Variants in LOX observed in about 807,000 individuals in gnomAD.
The protein encoded by LOX is protein-lysine 6-oxidase.
A neutral mutation model predicts 50.5 loss-of-function variants in LOX; 12 were observed. The ratio of observed to expected loss-of-function variants is 0.24; its 90% confidence interval spans 0.15 to 0.38. The LOEUF (loss-of-function observed/expected upper bound fraction) is 0.38. LOX is among the 10% of genes least tolerant of loss of function. LOX has a pLI of 1.00. For missense variants in LOX, 504 were observed against 563.8 expected (o/e 0.89, Z 1.07); for synonymous variants, 254 against 230.6 (o/e 1.10, Z -0.92).
At chr5:122,071,191 A>ATG (rs1353851542) in intron 4 of LOX, among the ~76,000 whole-genome samples, 3 of 118,588 alleles carry the variant, frequency 2.5e-5, no homozygotes, top group African/African-American at 1.2e-4. Context: ...GTAAACATTT[A>ATG]TATGTGTGTG....
At chr5:122,071,159 A>G (rs1754439459) in intron 4 of LOX, among the ~76,000 whole-genome samples, 1 of 151,856 alleles carries the variant, frequency 6.6e-6, no homozygotes, top group Non-Finnish European at 1.5e-5. Flanking sequence ...CATTTATTAA[A>G]TAGTATGTGG....
chr5:122,069,852 A>T, intron 6 of LOX: 1 of 574,948 alleles, frequency 1.7e-6, no homozygotes, highest in Non-Finnish European at 3.3e-6. Flanking sequence ...GCTTCTCCTG[A>T]AAACTAAAAA....
At position 122,078,037 on chromosome 5, in the gene LOX, A is replaced by G; in HGVS notation, c.-52T>C. On this transcript the variant is annotated 5_prime_UTR_variant, in exon 1 of 7. Coordinates refer to ENST00000231004, the MANE Select transcript of LOX (RefSeq NM_002317.7). ...TCGAGGAGGACGTGGCTCACAGAAA[A>G]TAAAAACGGGGCTCAAATCACGTGA... 1 of 1,420,716 alleles carries G rather than the reference A, an allele frequency of 7.0e-7. No homozygotes were observed. The highest frequency in any genetic ancestry group is 9.2e-7 in the Non-Finnish European group (1 of 1,087,500). The allele number at this position is 1,420,716 out of a possible 1,614,324, so 88.0% of individuals were successfully genotyped here.
intron 4 of LOX, chr5:122,070,860 C>T: frequency 4.1e-6 from 1 of 242,990 alleles, no homozygotes; most frequent in East Asian, 7.8e-5. Flanking sequence ...TCTGAAGGAA[C>T]AAAATAGGCC....
In LOX at chr5:122,063,724, A is replaced by G. The variant is rs1387669550; in HGVS notation, c.*3019T>C. 6.6e-6 allele frequency: 1 copy of G among 152,102 alleles called. No individual in the cohort carries two copies. The highest frequency in any genetic ancestry group is 1.9e-4 in the East Asian group (1 of 5,180). The allele number at this position is 152,102 out of a possible 1,614,324, so 9.4% of individuals were successfully genotyped here. On this transcript the variant is annotated 3_prime_UTR_variant, in exon 7 of 7. Coordinates refer to ENST00000231004, the MANE Select transcript of LOX (RefSeq NM_002317.7). Reference sequence around the variant, plus strand: ...AAACACATTATTTTTAAAACAAAATATCTCCTTACCAGGAATTCAGTATTT... The same window carrying G: ...AAACACATTATTTTTAAAACAAAATGTCTCCTTACCAGGAATTCAGTATTT...
rs767792972 is a variant in LOX at position 122,077,703 on chromosome 5, G to A, written c.283C>T (p.Arg95Cys). 2.5e-6 allele frequency: 4 copies of A among 1,591,902 alleles called. No homozygotes were observed. Among genetic ancestry groups the A allele is most frequent in the African/African-American group, 2.7e-5 (2 of 74,606 alleles). Residue 95 changes from arginine to cysteine, a missense_variant, in exon 1 of 7, where the codon CGC becomes TGC. This residue lies in a region of LOX where 398 missense variants were observed against 365.8 expected (regional missense o/e 1.09). Coordinates refer to ENST00000231004, the MANE Select transcript of LOX (RefSeq NM_002317.7). This position sits in a 1 kb window ranked among gnomAD's most constrained non-coding sequence, Gnocchi z 4.9. ...QQPRTPILLIRDNRTAAARTR... is the reference protein window; with the variant it reads ...QQPRTPILLICDNRTAAARTR... ...CGCGCCGCGGCGGTGCGGTTGTCGC[G>A]GATCAGCAGGATCGGAGTGCGGGGC...
Position 122,075,510 on chromosome 5 carries a change from C to T in LOX, c.772G>A (p.Asp258Asn). Residue 258 changes from aspartate (D) to asparagine (N), a missense_variant, in exon 3 of 7, where the codon GAT (aspartate) becomes AAT (asparagine). By Grantham distance (23) the Asp-to-Asn change is conservative (BLOSUM62 1). This residue lies in a region of LOX where 398 missense variants were observed against 365.8 expected (regional missense o/e 1.09). Transcript: ENST00000231004. ...TAYRADVRDY[D>N]HRVLLRFPQR... is the part of the protein sequence containing the mutation. ...GGAAATCTGAGCAGCACCCTGTGAT[C>T]ATAATCTCTGACATCTGCCCTGTAT... 1 of 1,612,262 alleles carries T rather than the reference C, an allele frequency of 6.2e-7. No individual in the cohort carries two copies. Among genetic ancestry groups the T allele is most frequent in the Non-Finnish European group, 8.5e-7 (1 of 1,179,166 alleles).
rs560527992 is a variant in LOX at position 122,077,248 on chromosome 5, C to A, written c.631+107G>T. On this transcript the variant is annotated intron_variant, in intron 1 of 6. Transcript: ENST00000231004. The surrounding 1 kb of genome is among the most constrained non-coding windows in gnomAD (Gnocchi z 4.9). ...CACTGCAGGCGCGTGGGGGAGGGATCGGATCTGCGAGGACCGGGGCCCGCC... is the reference window on the plus strand; with the variant it reads ...CACTGCAGGCGCGTGGGGGAGGGATAGGATCTGCGAGGACCGGGGCCCGCC... 2.9e-5 allele frequency: 45 copies of A among 1,532,778 alleles called. No homozygotes were observed. The East Asian group carries it at 1.0e-3, about 36-fold the overall frequency. 94.9% of individuals were successfully genotyped at this position (1,532,778 alleles called of 1,614,324 possible). A position where few individuals can be genotyped will look rare whatever the true frequency, so the allele number is the denominator to read the frequency against.
rs902243800 is a variant in LOX, at chr5:122,074,065, G to A, written c.983C>T (p.Thr328Ile). Residue 328 changes from threonine to isoleucine, a missense_variant, in exon 4 of 7, where the codon ACA becomes ATA. Coordinates refer to ENST00000231004, the MANE Select transcript of LOX (RefSeq NM_002317.7). The stretch of plus-strand genomic sequence containing the variant: ...CCTGTGGTAGCCATAGTCACAGGAT[G>A]TGTCTTCAAGACAGAAACTTGCTTT... ...GHKASFCLEDTSCDYGYHRRF... is the reference protein window; with the variant it reads ...GHKASFCLEDISCDYGYHRRF... 6.2e-7 allele frequency: 1 copy of A among 1,614,026 alleles called. No individual in the cohort carries two copies. The highest frequency in any genetic ancestry group is 1.3e-5 in the African/African-American group (1 of 74,938).
rs546477873 is a variant in LOX at position 122,077,307 on chromosome 5, C to T, written c.631+48G>A. On this transcript the variant is annotated intron_variant, in intron 1 of 6. Coordinates refer to ENST00000231004, the MANE Select transcript of LOX (RefSeq NM_002317.7). This position sits in a 1 kb window ranked among gnomAD's most constrained non-coding sequence, Gnocchi z 4.9. ...GCAGCCACGTCGAGAAGCCACATAG[C>T]TGGGGACCAGGTGCACGGGTGCTTC... 1.2e-6 allele frequency: 2 copies of T among 1,611,226 alleles called. No individual in the cohort carries two copies. Among genetic ancestry groups the T allele is most frequent in the South Asian group, 2.2e-5 (2 of 90,606 alleles).
Position 122,077,882 on chromosome 5 carries a change from G to A in LOX, c.104C>T (p.Pro35Leu), listed in dbSNP as rs757946184. The change falls in exon 1 of 7, where the codon CCG (proline) becomes CTG (leucine). Residue 35 changes from proline to leucine, a missense_variant. This residue lies in a region of LOX where 398 missense variants were observed against 365.8 expected (regional missense o/e 1.09). Coordinates refer to ENST00000231004, the MANE Select transcript of LOX (RefSeq NM_002317.7). The surrounding 1 kb of genome is among the most constrained non-coding windows in gnomAD (Gnocchi z 4.9). ...GCGCCAGGCGCCCGGAGCCGCCGGC[G>A]GCTCGCGCGGGGGCTGCTGTTGGCC... is the stretch of plus-strand genomic sequence containing the variant. ...AAGQQQPPRE[P>L]PAAPGAWRQQ... The A allele has an allele frequency of 2.6e-6, 4 of 1,536,092 alleles. No individual in the cohort carries two copies. The highest frequency in any genetic ancestry group is 4.2e-5 in the Admixed American group (2 of 47,416).
Position 122,077,392 on chromosome 5 carries a change from CCTGCCCCCAGGT to C in LOX, c.582_593del (p.Pro195_Arg198del). The C allele has an allele frequency of 6.2e-7, 1 of 1,613,974 alleles. No individual in the cohort carries two copies. The highest frequency in any genetic ancestry group is 1.3e-5 in the African/African-American group (1 of 75,030). ...AGCCAGTGCCGTATCCGGGCCGGTA[CCTGCCCCCAGGT>C]CTGGGCCTTTCATAAGTATCGTAGT... On this transcript the variant is annotated inframe_deletion, in exon 1 of 7. Transcript: ENST00000231004. This position sits in a 1 kb window ranked among gnomAD's most constrained non-coding sequence, Gnocchi z 4.9.
At chr5:122,075,287 A>T (rs1754583925) in intron 3 of LOX, 117 bp downstream of exon 3, 1 of 906,848 alleles carries the variant, frequency 1.1e-6, no homozygotes, top group Non-Finnish European at 1.6e-6. Flanking sequence ...AATTCTAAAT[A>T]TAAGTAATAG....
At chr5:122,075,079 T>TA (rs1754578121) in intron 3 of LOX, among the ~76,000 whole-genome samples, 1 of 152,242 alleles carries the variant, frequency 6.6e-6, no homozygotes, top group Non-Finnish European at 1.5e-5. Context: ...AAATGCTATT[T>TA]AATGCTAACT....
In LOX at chr5:122,066,519, A is replaced by T; in HGVS notation, c.*224T>A. ...GAATTGAAACACTGTGTTAATTCAC[A>T]AAGTGATGTAAATAATAAACATTAA... On this transcript the variant is annotated 3_prime_UTR_variant, in exon 7 of 7. Coordinates refer to ENST00000231004, the MANE Select transcript of LOX (RefSeq NM_002317.7). 1 of 459,994 alleles carries T rather than the reference A, an allele frequency of 2.2e-6. No homozygotes were observed. Among genetic ancestry groups the T allele is most frequent in the Non-Finnish European group, 4.0e-6 (1 of 252,828 alleles). The allele number at this position is 459,994 out of a possible 1,614,324, so 28.5% of individuals were successfully genotyped here. A position where few individuals can be genotyped will look rare whatever the true frequency, so the allele number is the denominator to read the frequency against.
At chr5:122,074,537 G>A (rs886481364) in intron 3 of LOX, among the ~76,000 whole-genome samples, 6 of 152,066 alleles carry the variant, frequency 3.9e-5, no homozygotes, top group East Asian at 1.9e-4. Context: ...GTTTCATTCC[G>A]AAAAGCAGCA....
Position 122,076,436 on chromosome 5 carries a change from T to A in LOX, c.740+457A>T, listed in dbSNP as rs3805444. Among the ~76,000 whole-genome samples the A allele has an allele frequency of 4.9e-3, 747 of 152,310 alleles. 18 individuals carry two copies. The highest frequency in any genetic ancestry group is 0.047 in the East Asian group (241 of 5,182). ...CTGAAGTAATACCAAAACAACCAAG[T>A]TCATCGTGGTCTCAAACAAAAGAGG... is the stretch of plus-strand genomic sequence containing the variant. On this transcript the variant is annotated intron_variant, in intron 2 of 6. Transcript: ENST00000231004.
chr5:122,077,443 G>A lies in LOX; in HGVS notation c.543C>T (p.Asn181=). Reference sequence around the variant, plus strand: ...AAGTATCGTAGTAGTTGTAATAAGGGTTGTCGTCAGAGTACTTGTAGGGGT... The same window carrying A: ...AAGTATCGTAGTAGTTGTAATAAGGATTGTCGTCAGAGTACTTGTAGGGGT... ...PYNPYKYSDD[N]PYYNYYDTYE... is the part of the protein sequence containing the mutation. The change falls in exon 1 of 7, where the codon AAC becomes AAT. Residue 181 remains asparagine (N), a synonymous_variant. Transcript: ENST00000231004. This position sits in a 1 kb window ranked among gnomAD's most constrained non-coding sequence, Gnocchi z 4.9. The A allele has an allele frequency of 6.2e-7, 1 of 1,614,098 alleles. No homozygotes were observed. Among genetic ancestry groups the A allele is most frequent in the South Asian group, 1.1e-5 (1 of 91,084 alleles).
intron 2 of LOX, 72 bp from the exon 3 acceptor site, chr5:122,075,613 A>C (rs2152590349): frequency 1.0e-6 from 1 of 1,002,850 alleles, no homozygotes. Context: ...CAAATAAAAC[A>C]TCCATTATAT....
Sources: allele counts gnomAD v4.1 joint callset (sites outside exome capture counted in the v4.1 genomes callset), GRCh38; gene constraint gnomAD v4.1.1; regional missense constraint gnomAD v4.1.1; non-coding constraint Gnocchi (gnomAD v3.1); transcripts MANE v1.5; gene names NCBI Gene and HGNC (gene_info 2026-07-23, HGNC 2026-07-21).